Variants in WWOX observed in about 807,000 individuals in gnomAD.
WWOX encodes WW domain-containing oxidoreductase.
Under a neutral mutation model 46.2 loss-of-function variants are expected in WWOX, and 69 were observed. That is an observed-to-expected ratio of 1.49 (90% CI 1.23 to 1.82). The LOEUF (loss-of-function observed/expected upper bound fraction) is 1.82, where lower values mean the gene tolerates loss of function less well. Ranked by LOEUF, WWOX falls within the 40% of genes most tolerant of loss-of-function variation. The pLI is 0.00. For synonymous variants in WWOX, 359 were observed against 202.6 expected (o/e 1.77, Z -6.56); for missense variants, 919 against 542.6 (o/e 1.69, Z -6.89).
intron 8 of WWOX, among the ~76,000 whole-genome samples, chr16:79,082,445 G>A (rs1434500053): frequency 1.3e-5 from 2 of 152,192 alleles, no homozygotes; most frequent in Admixed American, 6.5e-5. Flanking sequence ...GCCAGGAGAA[G>A]CAGGTACTCA....
chr16:78,406,473 C>T (rs1597180184), intron 6 of WWOX, among the ~76,000 whole-genome samples: 1 of 150,366 alleles, frequency 6.7e-6, no homozygotes, highest in Non-Finnish European at 1.5e-5. Context: ...CTGCCTTAGC[C>T]TCCTGAGTAG....
At chr16:78,697,262 C>G (rs2048120151) in intron 8 of WWOX, among the ~76,000 whole-genome samples, 1 of 152,182 alleles carries the variant, frequency 6.6e-6, no homozygotes, top group African/African-American at 2.4e-5. Context: ...AGTGGTTGTA[C>G]TAGTTTACAT....
At chr16:78,659,590 C>T (rs550849551) in intron 8 of WWOX, among the ~76,000 whole-genome samples, 1 of 152,052 alleles carries the variant, frequency 6.6e-6, no homozygotes, top group Non-Finnish European at 1.5e-5. Context: ...TCAAATGTTT[C>T]CAAAGTGCAC....
chr16:79,023,723 A>G (rs2047581148), intron 8 of WWOX, among the ~76,000 whole-genome samples: 1 of 150,968 alleles, frequency 6.6e-6, no homozygotes, highest in African/African-American at 2.4e-5. Flanking sequence ...GAAGTTCGAG[A>G]CCAGCCTGGC....
At chr16:78,160,888 A>G (rs7193947) in intron 4 of WWOX, among the ~76,000 whole-genome samples, 41,813 of 152,086 alleles carry the variant, frequency 0.27, 5,803 homozygotes, top group South Asian at 0.36. Flanking sequence ...AAAATCTTCC[A>G]TTATAATTGT....
intron 5 of WWOX, among the ~76,000 whole-genome samples, chr16:78,375,597 C>T (rs760621826): frequency 3.3e-5 from 5 of 152,082 alleles, no homozygotes; most frequent in East Asian, 3.9e-4. Context: ...TCATAGTCTC[C>T]GTAGGCTTCT....
At chr16:78,493,956 G>A (rs1358097116) in intron 8 of WWOX, among the ~76,000 whole-genome samples, 3 of 152,246 alleles carry the variant, frequency 2.0e-5, no homozygotes, top group Non-Finnish European at 1.5e-5. Flanking sequence ...TGTATTAGTC[G>A]ATTCTCACAC....
intron 5 of WWOX, among the ~76,000 whole-genome samples, chr16:78,356,091 A>AAAG (rs1555525207): frequency 6.9e-4 from 53 of 76,672 alleles, no homozygotes; most frequent in South Asian, 1.9e-3. Context: ...AAAAAAAAAA[A>AAAG]AAGAAGAATC....
At chr16:79,010,330 G>A (rs1489352513) in intron 8 of WWOX, among the ~76,000 whole-genome samples, 2 of 152,108 alleles carry the variant, frequency 1.3e-5, no homozygotes, top group Admixed American at 6.5e-5. Context: ...TGCCTCAGGC[G>A]ACAGATGGGA....
At chr16:78,367,971 G>A (rs958012665) in intron 5 of WWOX, among the ~76,000 whole-genome samples, 3 of 152,114 alleles carry the variant, frequency 2.0e-5, no homozygotes, top group Middle Eastern at 3.4e-3. Flanking sequence ...TGGTCAGGCT[G>A]GTGTCAAACT....
At chr16:78,667,846 C>T (rs1349420828) in intron 8 of WWOX, among the ~76,000 whole-genome samples, 3 of 152,068 alleles carry the variant, frequency 2.0e-5, no homozygotes, top group Non-Finnish European at 2.9e-5. Context: ...TCAGTGGTTA[C>T]CAGGCAGTGT....
intron 8 of WWOX, among the ~76,000 whole-genome samples, chr16:78,844,263 A>T (rs78442197): frequency 4.6e-5 from 7 of 152,300 alleles, no homozygotes; most frequent in African/African-American, 1.7e-4. Flanking sequence ...ACCCAGAACC[A>T]TAAAGTTCTG....
intron 8 of WWOX, among the ~76,000 whole-genome samples, chr16:78,787,983 A>G (rs1003970474): frequency 1.3e-5 from 2 of 152,128 alleles, no homozygotes; most frequent in African/African-American, 2.4e-5. Flanking sequence ...CCCAGTTTTT[A>G]ACTGGGTCAT....
intron 8 of WWOX, among the ~76,000 whole-genome samples, chr16:78,906,362 T>G (rs1262005963): frequency 6.6e-6 from 1 of 152,196 alleles, no homozygotes; most frequent in African/African-American, 2.4e-5. Context: ...GAAGTGCTCT[T>G]TGATATGCAA....
chr16:78,751,858 A>G (rs1288500775), intron 8 of WWOX, among the ~76,000 whole-genome samples: 3 of 152,068 alleles, frequency 2.0e-5, no homozygotes, highest in Non-Finnish European at 4.4e-5. Flanking sequence ...GAAGGTAAGA[A>G]AGAAATTAAT....
chr16:78,327,722 G>T (rs1024292112), intron 5 of WWOX, among the ~76,000 whole-genome samples: 6 of 151,978 alleles, frequency 3.9e-5, no homozygotes, highest in Non-Finnish European at 7.4e-5. Flanking sequence ...CATATAGATA[G>T]TCTTCTCCTT....
chr16:78,434,387 C>T (rs970773269), intron 8 of WWOX, among the ~76,000 whole-genome samples: 3 of 152,130 alleles, frequency 2.0e-5, no homozygotes, highest in Admixed American at 1.3e-4. Flanking sequence ...ATAAGCGCAG[C>T]CTCTTCATGA....
chr16:79,006,324 G>C (rs2047190178), intron 8 of WWOX, among the ~76,000 whole-genome samples: 1 of 152,150 alleles, frequency 6.6e-6, no homozygotes. Flanking sequence ...CAGCCGTGCA[G>C]AGACCCGGGG....
chr16:78,386,690 G>C (rs2082068316), intron 5 of WWOX, among the ~76,000 whole-genome samples, 170 bp from the exon 6 acceptor site: 1 of 118,818 alleles, frequency 8.4e-6, no homozygotes, highest in South Asian at 2.8e-4. Flanking sequence ...CCCCGAACTT[G>C]GCAGTAAAAG....
Sources: allele counts gnomAD v4.1 joint callset (sites outside exome capture counted in the v4.1 genomes callset), GRCh38; gene constraint gnomAD v4.1.1; transcripts MANE v1.5; gene names NCBI Gene and HGNC (gene_info 2026-07-23, HGNC 2026-07-21).